The following PTPRK variants were observed in gnomAD, a reference collection of about 807,000 sequenced individuals.
PTPRK encodes the protein protein tyrosine phosphatase receptor type K, also known as receptor-type tyrosine-protein phosphatase kappa.
PTPRK carries 75 observed loss-of-function variants against 178.0 expected under a neutral mutation model. The observed-to-expected ratio is 0.42, with a 90% confidence interval of 0.35 to 0.51. The LOEUF (loss-of-function observed/expected upper bound fraction) is 0.51, where lower values mean the gene tolerates loss of function less well. Ranked by LOEUF, PTPRK falls within the 20% of genes least tolerant of loss-of-function variation. The pLI is 0.02. For missense variants in PTPRK, 1,441 were observed against 1,797.8 expected, an observed-to-expected ratio of 0.80 and a Z score of 3.59; for synonymous variants, 637 against 620.6, an observed-to-expected ratio of 1.03 and a Z score of -0.39.
intron 1 of PTPRK, among the ~76,000 whole-genome samples, chr6:128,457,351 A>G (rs1848528266): frequency 6.6e-6 from 1 of 152,132 alleles, no homozygotes; most frequent in South Asian, 2.1e-4. Context: ...TGCTGCATCT[A>G]TAACCAAGTT....
chr6:128,295,336 A>T (rs1297926569), intron 3 of PTPRK, among the ~76,000 whole-genome samples: 1 of 152,142 alleles, frequency 6.6e-6, no homozygotes, highest in Non-Finnish European at 1.5e-5. Flanking sequence ...AACCTCTGTT[A>T]CAGGATACGG....
At chr6:127,970,530 T>C (rs549349893) in intron 29 of PTPRK, among the ~76,000 whole-genome samples, 1 of 152,114 alleles carries the variant, frequency 6.6e-6, no homozygotes, top group Non-Finnish European at 1.5e-5. Flanking sequence ...ATTTTTTAAA[T>C]ATCTATAATT....
At chr6:128,468,377 T>C (rs1368086380) in intron 1 of PTPRK, among the ~76,000 whole-genome samples, 1 of 152,184 alleles carries the variant, frequency 6.6e-6, no homozygotes, top group Non-Finnish European at 1.5e-5. Flanking sequence ...TTTCAAGTTT[T>C]TAGTTAAATA....
intron 3 of PTPRK, among the ~76,000 whole-genome samples, chr6:128,296,367 C>T (rs1051434893): frequency 1.3e-5 from 2 of 152,128 alleles, no homozygotes; most frequent in African/African-American, 2.4e-5. Flanking sequence ...TCAGGAAACA[C>T]AGAGAATGCC....
At chr6:128,309,052 T>C (rs1354928272) in intron 3 of PTPRK, among the ~76,000 whole-genome samples, 1 of 152,192 alleles carries the variant, frequency 6.6e-6, no homozygotes, top group Non-Finnish European at 1.5e-5. Context: ...CTATATTAAA[T>C]GTCTCACCAC....
chr6:128,310,757 G>A (rs761908277), intron 3 of PTPRK, among the ~76,000 whole-genome samples: 1 of 152,158 alleles, frequency 6.6e-6, no homozygotes, highest in Non-Finnish European at 1.5e-5. Flanking sequence ...ATTAAAACCA[G>A]CAGGTCCATT....
chr6:128,489,220 T>C (rs1286645033), intron 1 of PTPRK, among the ~76,000 whole-genome samples: 1 of 152,144 alleles, frequency 6.6e-6, no homozygotes, highest in African/African-American at 2.4e-5. Flanking sequence ...AAGTAACATA[T>C]AAAGAGAAAT....
chr6:128,396,475 T>C (rs966695399), intron 2 of PTPRK, among the ~76,000 whole-genome samples: 4 of 151,964 alleles, frequency 2.6e-5, no homozygotes, highest in African/African-American at 9.7e-5. Context: ...TGTCACAATT[T>C]AATGTTATTG....
intron 5 of PTPRK, among the ~76,000 whole-genome samples, chr6:128,220,156 C>A (rs1810130393): frequency 6.6e-6 from 1 of 151,914 alleles, no homozygotes; most frequent in African/African-American, 2.4e-5. Flanking sequence ...TCAAAGACAT[C>A]ATATATAAAG....
chr6:128,426,131 C>T (rs1173803837), intron 1 of PTPRK, among the ~76,000 whole-genome samples: 1 of 152,130 alleles, frequency 6.6e-6, no homozygotes, highest in Non-Finnish European at 1.5e-5. Flanking sequence ...TTCTGCTTCC[C>T]ATATTTATTC....
At chr6:128,478,498 C>T (rs1049049711) in intron 1 of PTPRK, among the ~76,000 whole-genome samples, 1 of 152,124 alleles carries the variant, frequency 6.6e-6, no homozygotes, top group Admixed American at 6.6e-5. Flanking sequence ...GACCTTCATG[C>T]TGACAAATGC....
intron 1 of PTPRK, among the ~76,000 whole-genome samples, chr6:128,457,453 G>T (rs956833152): frequency 3.3e-5 from 5 of 152,110 alleles, no homozygotes; most frequent in African/African-American, 1.2e-4. Flanking sequence ...GACAGACTTA[G>T]TCCATCAACT....
intron 1 of PTPRK, among the ~76,000 whole-genome samples, chr6:128,504,724 C>G (rs916646607): frequency 6.6e-6 from 1 of 152,070 alleles, no homozygotes; most frequent in Non-Finnish European, 1.5e-5. Context: ...TGTCCGATAC[C>G]CTAGTGCAAA....
At chr6:128,407,018 T>C (rs912857845) in intron 1 of PTPRK, among the ~76,000 whole-genome samples, 4 of 152,214 alleles carry the variant, frequency 2.6e-5, no homozygotes, top group Non-Finnish European at 5.9e-5. Context: ...TTCATTTCTA[T>C]ACCAACAAAG....
intron 5 of PTPRK, among the ~76,000 whole-genome samples, chr6:128,221,131 T>C (rs1353122260): frequency 6.6e-6 from 1 of 152,194 alleles, no homozygotes; most frequent in Admixed American, 6.5e-5. Context: ...AGGGTGGTGG[T>C]ACATTAATGG....
intron 1 of PTPRK, among the ~76,000 whole-genome samples, chr6:128,507,452 A>G (rs181201237): frequency 2.3e-3 from 349 of 152,238 alleles, no homozygotes; most frequent in African/African-American, 7.7e-3. Flanking sequence ...GTGTACTTAA[A>G]TAACTACTGT....
intron 13 of PTPRK, among the ~76,000 whole-genome samples, chr6:128,045,563 T>A (rs1224713817): frequency 6.6e-6 from 1 of 151,942 alleles, no homozygotes; most frequent in East Asian, 1.9e-4. Context: ...CTGTATTAGA[T>A]TAAAAGAAAA....
intron 13 of PTPRK, among the ~76,000 whole-genome samples, chr6:128,061,060 T>TA (rs1168229205): frequency 6.6e-6 from 1 of 152,196 alleles, no homozygotes; most frequent in Non-Finnish European, 1.5e-5. Flanking sequence ...CCCTGGCATA[T>TA]AGTGATGTAT....
At chr6:128,196,248 A>T (rs1804838287) in intron 6 of PTPRK, among the ~76,000 whole-genome samples, 1 of 152,098 alleles carries the variant, frequency 6.6e-6, no homozygotes, top group Non-Finnish European at 1.5e-5. Flanking sequence ...AAATATTTTA[A>T]TCATCTAATT....
Sources: gnomAD v4.1 joint callset for allele counts (sites outside exome capture counted in the v4.1 genomes callset) on GRCh38, gnomAD v4.1.1 for gene constraint, MANE v1.5 for transcripts, NCBI Gene and HGNC (gene_info 2026-07-23, HGNC 2026-07-21) for gene names.